The following TNFAIP8L1 variants were observed in gnomAD, a reference collection of about 807,000 sequenced individuals.
The protein encoded by TNFAIP8L1 is TNF alpha induced protein 8 like 1.
For missense variants in TNFAIP8L1, 225 were observed against 266.1 expected, an observed-to-expected ratio of 0.85 and a Z score of 1.08; for synonymous variants, 127 against 125.6, an observed-to-expected ratio of 1.01 and a Z score of -0.08.
rs1456520614 is a variant in TNFAIP8L1 at position 4,644,431 on chromosome 19, G to A, written c.-4+4802G>A. Among the ~76,000 whole-genome samples, 6 of 150,750 alleles carry A rather than the reference G, an allele frequency of 4.0e-5. No homozygotes were observed. In the South Asian group the frequency reaches 1.3e-3, roughly 32 times the overall value. ...ATGGTGGCACATACCTGTAGTCCCAGCTACTCAGGAGGCTGAGGTGGGAGG... is the reference window on the plus strand; with the variant it reads ...ATGGTGGCACATACCTGTAGTCCCAACTACTCAGGAGGCTGAGGTGGGAGG... On this transcript the variant is annotated intron_variant, in intron 1 of 1. Coordinates refer to ENST00000327473, the MANE Select transcript of TNFAIP8L1 (RefSeq NM_152362.3).
chr19:4,655,375 C>G lies in TNFAIP8L1; in HGVS notation c.*2945C>G, dbSNP rs1478287647. ...AGGCCGAGAGACAGCTCTTCAAGAA[C>G]GTACATGGATCCTGATTTTCTCACG... On this transcript the variant is annotated 3_prime_UTR_variant, in exon 2 of 2. Coordinates refer to ENST00000327473, the MANE Select transcript of TNFAIP8L1 (RefSeq NM_152362.3). The G allele has an allele frequency of 6.6e-6, 1 of 152,262 alleles. No individual in the cohort carries two copies. The highest frequency in any genetic ancestry group is 1.9e-4 in the East Asian group (1 of 5,204). The allele number at this position is 152,262 out of a possible 1,614,324, so 9.4% of individuals were successfully genotyped here. A position where few individuals can be genotyped will look rare whatever the true frequency, so the allele number is the denominator to read the frequency against.
Position 4,652,561 on chromosome 19 carries a change from G to A in TNFAIP8L1, c.*131G>A, listed in dbSNP as rs1361451995. 3.4e-6 allele frequency: 3 copies of A among 872,824 alleles called. No individual in the cohort carries two copies. Among genetic ancestry groups the A allele is most frequent in the East Asian group, 2.9e-5 (1 of 34,462 alleles). The allele number at this position is 872,824 out of a possible 1,614,324, so 54.1% of individuals were successfully genotyped here. On this transcript the variant is annotated 3_prime_UTR_variant, in exon 2 of 2. Transcript: ENST00000327473. ...CCGGCCAAACTCCCCTAGACAGATG[G>A]GTGACCTGTCTCCTTTGAGAGGATG...
intron 1 of TNFAIP8L1, among the ~76,000 whole-genome samples, chr19:4,642,969 G>T (rs954976742): frequency 6.6e-6 from 1 of 151,952 alleles, no homozygotes; most frequent in Non-Finnish European, 1.5e-5. Context: ...CAGGATGGAG[G>T]CTGTGGGGGA....
rs570677614 is a variant in TNFAIP8L1 at position 4,645,165 on chromosome 19, G to A, written c.-4+5536G>A. On this transcript the variant is annotated intron_variant, in intron 1 of 1. Transcript: ENST00000327473. The surrounding 1 kb of genome is among the most constrained non-coding windows in gnomAD (Gnocchi z 4.1). ...GGCAGGGACTTGTGACATAATTGCA[G>A]CCAGCTCACCAGAGCCACCTCCTGT... 1.9e-3 allele frequency among the ~76,000 whole-genome samples: 282 copies of A among 152,348 alleles called. 1 individual carries two copies. The highest frequency in any genetic ancestry group is 6.5e-3 in the African/African-American group (270 of 41,584).
chr19:4,642,969 G>A (rs954976742), intron 1 of TNFAIP8L1, among the ~76,000 whole-genome samples: 13 of 151,952 alleles, frequency 8.6e-5, no homozygotes, highest in Non-Finnish European at 1.3e-4. Context: ...CAGGATGGAG[G>A]CTGTGGGGGA....
At position 4,641,365 on chromosome 19, in the gene TNFAIP8L1, G is replaced by A. The variant is rs2088259942; in HGVS notation, c.-4+1736G>A. The stretch of plus-strand genomic sequence containing the variant: ...CAGAGAGACGTCAACGCTAAAAAAT[G>A]ACTCACACTTGCCCAGGTACAGCTC... On this transcript the variant is annotated intron_variant, in intron 1 of 1. Coordinates refer to ENST00000327473, the MANE Select transcript of TNFAIP8L1 (RefSeq NM_152362.3). The surrounding 1 kb of genome is among the most constrained non-coding windows in gnomAD (Gnocchi z 4.6). 1 of 152,204 alleles carries A rather than the reference G, an allele frequency of 6.6e-6. No homozygotes were observed. The highest frequency in any genetic ancestry group is 6.6e-5 in the Admixed American group (1 of 15,256). The allele number at this position is 152,204 out of a possible 1,614,324, so 9.4% of individuals were successfully genotyped here.
chr19:4,645,006 T>C lies in TNFAIP8L1; in HGVS notation c.-4+5377T>C, dbSNP rs1173892866. On this transcript the variant is annotated intron_variant, in intron 1 of 1. Transcript: ENST00000327473. The surrounding 1 kb of genome is among the most constrained non-coding windows in gnomAD (Gnocchi z 4.1). ...GCGGGAAGAGGCCTGAGGCCCCCCC[T>C]GGGCCCCCGGACTGAGTGCAGCCGG... 6.6e-6 allele frequency among the ~76,000 whole-genome samples: 1 copy of C among 152,092 alleles called. No individual in the cohort carries two copies. The highest frequency in any genetic ancestry group is 1.5e-5 in the Non-Finnish European group (1 of 67,982).
Position 4,652,503 on chromosome 19 carries a change from G to A in TNFAIP8L1, c.*73G>A. The A allele has an allele frequency of 1.4e-6, 2 of 1,393,626 alleles. No individual in the cohort carries two copies. The highest frequency in any genetic ancestry group is 1.9e-6 in the Non-Finnish European group (2 of 1,050,910). The allele number at this position is 1,393,626 out of a possible 1,614,324, so 86.3% of individuals were successfully genotyped here. A position where few individuals can be genotyped will look rare whatever the true frequency, so the allele number is the denominator to read the frequency against. On this transcript the variant is annotated 3_prime_UTR_variant, in exon 2 of 2. Transcript: ENST00000327473. ...TGCTGGGCGCGGGTGGGGTTTGTGGGTTTTTTTCCACCTCTTTTCTCCCAA... is the reference window on the plus strand; with the variant it reads ...TGCTGGGCGCGGGTGGGGTTTGTGGATTTTTTTCCACCTCTTTTCTCCCAA...
intron 1 of TNFAIP8L1, among the ~76,000 whole-genome samples, chr19:4,643,278 CAAA>C (rs758868410): frequency 8.1e-6 from 1 of 123,810 alleles, no homozygotes; most frequent in Non-Finnish European, 1.8e-5. Context: ...GACTCTGTCT[CAAA>C]AAAAAAAAAA....
In TNFAIP8L1 at chr19:4,652,671, C is replaced by T; in HGVS notation, c.*241C>T. On this transcript the variant is annotated 3_prime_UTR_variant, in exon 2 of 2. Coordinates refer to ENST00000327473, the MANE Select transcript of TNFAIP8L1 (RefSeq NM_152362.3). ...CCAATGGGGAGAGGAATTTGGGGCC[C>T]TACTCTGGGGACCACCTTTCACCCG... 1 of 501,160 alleles carries T rather than the reference C, an allele frequency of 2.0e-6. No homozygotes were observed. Among genetic ancestry groups the T allele is most frequent in the Non-Finnish European group, 3.6e-6 (1 of 281,114 alleles). 31.0% of individuals were successfully genotyped at this position (501,160 alleles called of 1,614,324 possible).
In TNFAIP8L1 at chr19:4,645,786, T is replaced by G. The variant is rs1399786905; in HGVS notation, c.-3-6081T>G. Among the ~76,000 whole-genome samples the G allele has an allele frequency of 6.6e-6, 1 of 151,608 alleles. No individual in the cohort carries two copies. The highest frequency in any genetic ancestry group is 1.5e-5 in the Non-Finnish European group (1 of 67,964). On this transcript the variant is annotated intron_variant, in intron 1 of 1. Transcript: ENST00000327473. This position sits in a 1 kb window ranked among gnomAD's most constrained non-coding sequence, Gnocchi z 4.1. ...GGAGTTGGTGCCTGGTCACCCATTT[T>G]GCAGATGGGAAAGCTGCCCCCATGC...
intron 1 of TNFAIP8L1, among the ~76,000 whole-genome samples, chr19:4,650,566 G>A (rs534540546): frequency 1.4e-4 from 21 of 152,188 alleles, no homozygotes; most frequent in Admixed American, 2.6e-4. Flanking sequence ...AGGGCAGGGT[G>A]GACAGAGAAA....
chr19:4,644,704 T>C (rs561100403), intron 1 of TNFAIP8L1, among the ~76,000 whole-genome samples: 6 of 148,938 alleles, frequency 4.0e-5, no homozygotes, highest in South Asian at 4.3e-4. Context: ...CCCAGGTTCA[T>C]GCGAGTCTCG....
At chr19:4,651,319 T>C (rs781748896) in intron 1 of TNFAIP8L1, among the ~76,000 whole-genome samples, 2 of 151,912 alleles carry the variant, frequency 1.3e-5, no homozygotes, top group African/African-American at 2.4e-5. Context: ...ATAATAATAA[T>C]CATAATAATA....
At chr19:4,643,169 C>T (rs1368139256) in intron 1 of TNFAIP8L1, among the ~76,000 whole-genome samples, 1 of 151,748 alleles carries the variant, frequency 6.6e-6, no homozygotes, top group African/African-American at 2.4e-5. Flanking sequence ...ATACCAGCTA[C>T]TCAGGAAGCT....
intron 1 of TNFAIP8L1, among the ~76,000 whole-genome samples, chr19:4,644,094 G>C (rs999465569): frequency 3.3e-5 from 5 of 152,118 alleles, no homozygotes; most frequent in African/African-American, 9.6e-5. Flanking sequence ...GGTGGCGCAT[G>C]CCTGTAATCC....
intron 1 of TNFAIP8L1, among the ~76,000 whole-genome samples, chr19:4,651,270 A>G (rs1294838703): frequency 6.6e-6 from 1 of 152,068 alleles, no homozygotes; most frequent in African/African-American, 2.4e-5. Flanking sequence ...ATCAGACCCT[A>G]CAGATAGTGG....
Position 4,645,251 on chromosome 19 carries a change from T to C in TNFAIP8L1, c.-4+5622T>C, listed in dbSNP as rs58963067. On this transcript the variant is annotated intron_variant, in intron 1 of 1. Transcript: ENST00000327473. This position sits in a 1 kb window ranked among gnomAD's most constrained non-coding sequence, Gnocchi z 4.1. The stretch of plus-strand genomic sequence containing the variant: ...AGCCATTATTTAACGTGGGAGAATA[T>C]AAACTTATAGTTAAGGCTGGGCGTG... 6.6e-6 allele frequency among the ~76,000 whole-genome samples: 1 copy of C among 152,102 alleles called. No homozygotes were observed. The highest frequency in any genetic ancestry group is 2.4e-5 in the African/African-American group (1 of 41,504).
In TNFAIP8L1 at chr19:4,645,532, A is replaced by G. The variant is rs1345818774; in HGVS notation, c.-4+5903A>G. 3.9e-5 allele frequency among the ~76,000 whole-genome samples: 6 copies of G among 151,986 alleles called. No homozygotes were observed. The highest frequency in any genetic ancestry group is 8.8e-5 in the Non-Finnish European group (6 of 68,000). ...GGGAGGCAGAGGTTGCAGTGAGCTG[A>G]GATTTGGCCACTGCACTCCAGCCTG... is the stretch of plus-strand genomic sequence containing the variant. On this transcript the variant is annotated intron_variant, in intron 1 of 1. Transcript: ENST00000327473. This position sits in a 1 kb window ranked among gnomAD's most constrained non-coding sequence, Gnocchi z 4.1.
Sources: gnomAD v4.1 joint callset for allele counts (sites outside exome capture counted in the v4.1 genomes callset) on GRCh38, gnomAD v4.1.1 for gene constraint, Gnocchi (gnomAD v3.1) non-coding constraint, MANE v1.5 for transcripts, NCBI Gene and HGNC (gene_info 2026-07-23, HGNC 2026-07-21) for gene names.